The following CRISPLD2 variants were observed in gnomAD, a reference collection of about 807,000 sequenced individuals.
CRISPLD2 encodes the protein cysteine-rich secretory protein LCCL domain-containing 2.
CRISPLD2 carries 47 observed loss-of-function variants against 71.1 expected under a neutral mutation model. The ratio of observed to expected loss-of-function variants is 0.66; its 90% confidence interval spans 0.52 to 0.84. The LOEUF is 0.84. Among genes scored for constraint, CRISPLD2 ranks in the 40% least tolerant of loss-of-function variants. CRISPLD2 has a pLI of 0.00. For synonymous variants in CRISPLD2, 317 were observed against 250.1 expected (o/e 1.27, Z -2.52); for missense variants, 830 against 651.1 (o/e 1.27, Z -2.99).
At chr16:84,863,183 G>T (rs1041816797) in intron 6 of CRISPLD2, 3 of 152,188 alleles carry the variant, frequency 2.0e-5, no homozygotes, top group South Asian at 2.1e-4. Flanking sequence ...CTTATGTGTT[G>T]TTTGAATAAA....
At chr16:84,882,515 C>T (rs2071578008) in intron 13 of CRISPLD2, among the ~76,000 whole-genome samples, 1 of 152,176 alleles carries the variant, frequency 6.6e-6, no homozygotes, top group African/African-American at 2.4e-5. Flanking sequence ...AGAGATTCTC[C>T]TGCCTCAGCC....
chr16:84,850,896 C>T (rs1304735279), intron 5 of CRISPLD2, among the ~76,000 whole-genome samples: 1 of 151,916 alleles, frequency 6.6e-6, no homozygotes, highest in Non-Finnish European at 1.5e-5. Flanking sequence ...ATTCTCTCCT[C>T]ATGGTCCCAA....
chr16:84,854,617 C>A (rs561058435), intron 5 of CRISPLD2, 112 bp from the exon 6 acceptor site: 39 of 770,088 alleles, frequency 5.1e-5, no homozygotes, highest in Admixed American at 3.5e-4. Context: ...AACCTTCCCC[C>A]CTGACCTGTC....
intron 3 of CRISPLD2, among the ~76,000 whole-genome samples, chr16:84,847,025 C>A (rs1471092877): frequency 6.6e-6 from 1 of 152,222 alleles, no homozygotes; most frequent in Admixed American, 6.5e-5. Flanking sequence ...TAAGACTTAA[C>A]GACCAACCTG....
At position 84,858,053 on chromosome 16, in the gene CRISPLD2, C is replaced by G. The variant is rs138781145; in HGVS notation, c.709+3224C>G. On this transcript the variant is annotated intron_variant, in intron 6 of 14. Transcript: ENST00000262424. ...CAGTAACAGGCCAAGAGCTGTCTCT[C>G]AAAAGGAAAGTAGTTATCTGCAGAA... is the stretch of plus-strand genomic sequence containing the variant. 2.9e-3 allele frequency among the ~76,000 whole-genome samples: 447 copies of G among 152,272 alleles called. 4 individuals carry two copies. Among genetic ancestry groups the G allele is most frequent in the African/African-American group, 0.01 (425 of 41,560 alleles).
In CRISPLD2 at chr16:84,849,438, A is replaced by G; in HGVS notation, c.413A>G (p.Tyr138Cys). The G allele has an allele frequency of 6.2e-7, 1 of 1,613,958 alleles. No individual in the cohort carries two copies. The highest frequency in any genetic ancestry group is 1.1e-5 in the South Asian group (1 of 91,084). Reference protein sequence around the residue: ...VQSWYDEVKDYTYPYPSECNP... With the variant: ...VQSWYDEVKDCTYPYPSECNP... ...TCCTGGTATGACGAGGTGAAGGACTACACCTACCCCTACCCGAGCGAGTGC... is the reference window on the plus strand; with the variant it reads ...TCCTGGTATGACGAGGTGAAGGACTGCACCTACCCCTACCCGAGCGAGTGC... Residue 138 changes from tyrosine to cysteine, a missense_variant, in exon 4 of 15, where the codon TAC (tyrosine) becomes TGC (cysteine). Coordinates refer to ENST00000262424, the MANE Select transcript of CRISPLD2 (RefSeq NM_031476.4).
At chr16:84,871,415 T>G (rs2071468083) in intron 8 of CRISPLD2, among the ~76,000 whole-genome samples, 1 of 152,124 alleles carries the variant, frequency 6.6e-6, no homozygotes, top group African/African-American at 2.4e-5. Flanking sequence ...TGTGCACACC[T>G]GTAGTCCCAG....
At chr16:84,887,579 T>C (rs1407917140) in intron 13 of CRISPLD2, among the ~76,000 whole-genome samples, 2 of 152,256 alleles carry the variant, frequency 1.3e-5, no homozygotes, top group African/African-American at 4.8e-5. Context: ...TTCTATTTCC[T>C]ATAAATTTGA....
At chr16:84,900,535 GCGCTGGGAGGCA>G (rs2071744263) in intron 14 of CRISPLD2, among the ~76,000 whole-genome samples, 1 of 7,936 alleles carries the variant, frequency 1.3e-4, no homozygotes, top group South Asian at 0.015. Flanking sequence ...ACATCACACA[GCGCTGGGAGGCA>G]TCACACAGCG....
chr16:84,876,991 A>G (rs1283333775), intron 11 of CRISPLD2, among the ~76,000 whole-genome samples: 1 of 152,110 alleles, frequency 6.6e-6, no homozygotes, highest in Non-Finnish European at 1.5e-5. Context: ...GGTAGGTGGT[A>G]TGTCAGAAGG....
intron 13 of CRISPLD2, among the ~76,000 whole-genome samples, chr16:84,887,331 C>T (rs370400170): frequency 3.3e-5 from 5 of 152,214 alleles, no homozygotes; most frequent in African/African-American, 1.2e-4. Flanking sequence ...CCCGTTCACC[C>T]TCCCCACCCT....
intron 6 of CRISPLD2, among the ~76,000 whole-genome samples, chr16:84,866,021 G>T (rs917160139): frequency 2.6e-5 from 4 of 152,174 alleles, no homozygotes; most frequent in Admixed American, 2.0e-4. Flanking sequence ...AGCAACAATT[G>T]AGCTGGTTAA....
intron 1 of CRISPLD2, among the ~76,000 whole-genome samples, chr16:84,824,086 A>C (rs568981012): frequency 6.6e-6 from 1 of 151,466 alleles, no homozygotes; most frequent in Non-Finnish European, 1.5e-5. Flanking sequence ...TAGAGGAAAC[A>C]GGCAGGGTTT....
intron 6 of CRISPLD2, among the ~76,000 whole-genome samples, chr16:84,866,665 T>C (rs1443166597): frequency 6.6e-6 from 1 of 152,170 alleles, no homozygotes; most frequent in Admixed American, 6.5e-5. Flanking sequence ...CTGGCTGATC[T>C]TGGGTCCAAA....
At chr16:84,900,039 T>G (rs74031025) in intron 14 of CRISPLD2, among the ~76,000 whole-genome samples, 1 of 152,070 alleles carries the variant, frequency 6.6e-6, no homozygotes, top group Non-Finnish European at 1.5e-5. Context: ...ATCTGAACTT[T>G]CCAGAAACCA....
chr16:84,829,499 C>G (rs1194783271), intron 1 of CRISPLD2, among the ~76,000 whole-genome samples: 1 of 152,122 alleles, frequency 6.6e-6, no homozygotes, highest in East Asian at 1.9e-4. Flanking sequence ...TGCCCTTGGC[C>G]TCTTGCTCAG....
At chr16:84,854,995 T>C (rs1917198104) in intron 6 of CRISPLD2, among the ~76,000 whole-genome samples, 166 bp downstream of exon 6, 1 of 152,120 alleles carries the variant, frequency 6.6e-6, no homozygotes, top group Non-Finnish European at 1.5e-5. Context: ...CTGAGCCTCA[T>C]CTCCAGGGTC....
chr16:84,833,209 G>T (rs935205625), intron 1 of CRISPLD2, among the ~76,000 whole-genome samples: 1 of 152,142 alleles, frequency 6.6e-6, no homozygotes, highest in Non-Finnish European at 1.5e-5. Flanking sequence ...TGTGGCTCCC[G>T]TCGCTTTGAT....
intron 14 of CRISPLD2, among the ~76,000 whole-genome samples, chr16:84,904,411 C>G (rs886774177): frequency 2.0e-5 from 3 of 151,924 alleles, no homozygotes; most frequent in African/African-American, 7.3e-5. Flanking sequence ...TGGCAAAACC[C>G]CATCTCTGCT....
Sources: allele counts gnomAD v4.1 joint callset (sites outside exome capture counted in the v4.1 genomes callset), GRCh38; gene constraint gnomAD v4.1.1; transcripts MANE v1.5; gene names NCBI Gene and HGNC (gene_info 2026-07-23, HGNC 2026-07-21).